SFXN4: variants seen among roughly 807,000 people sequenced by gnomAD.
SFXN4 encodes the protein sideroflexin-4.
SFXN4 carries 48 observed loss-of-function variants against 54.6 expected under a neutral mutation model. That is an observed-to-expected ratio of 0.88 (90% CI 0.70 to 1.12). The LOEUF is 1.12. Among genes scored for constraint, SFXN4 ranks in the 50% most tolerant of loss-of-function variants. SFXN4 has a pLI of 0.00. For missense variants in SFXN4, 383 were observed against 409.2 expected, an observed-to-expected ratio of 0.94 and a Z score of 0.55; for synonymous variants, 130 against 145.5, an observed-to-expected ratio of 0.89 and a Z score of 0.77.
At chr10:119,161,358 A>ATCC (rs1847522888) in intron 3 of SFXN4, among the ~76,000 whole-genome samples, 1 of 151,006 alleles carries the variant, frequency 6.6e-6, no homozygotes, top group Non-Finnish European at 1.5e-5. Flanking sequence ...GCATCAAGTC[A>ATCC]TCCTCCCAAA....
At chr10:119,146,386 G>A (rs1846797271) in intron 12 of SFXN4, 33 bp from the exon 13 acceptor site, 4 of 1,323,408 alleles carry the variant, frequency 3.0e-6, no homozygotes, top group Non-Finnish European at 4.4e-6. Context: ...CACAAGTGAT[G>A]TTAAACTATC....
intron 11 of SFXN4, among the ~76,000 whole-genome samples, chr10:119,152,612 A>G (rs1847117216): frequency 6.6e-6 from 1 of 152,126 alleles, no homozygotes; most frequent in South Asian, 2.1e-4. Flanking sequence ...TCTGTTACTT[A>G]TAATTATTTT....
chr10:119,148,885 CATTT>C (rs1440844707), intron 11 of SFXN4, among the ~76,000 whole-genome samples: 1 of 151,904 alleles, frequency 6.6e-6, no homozygotes, highest in Non-Finnish European at 1.5e-5. Context: ...TTACTACTTT[CATTT>C]ATTTATTTAT....
At chr10:119,151,992 A>T (rs1413017791) in intron 11 of SFXN4, among the ~76,000 whole-genome samples, 4 of 150,528 alleles carry the variant, frequency 2.7e-5, no homozygotes, top group South Asian at 2.1e-4. Flanking sequence ...TTTTTTAAAA[A>T]TTTTTTTGTA....
intron 11 of SFXN4, among the ~76,000 whole-genome samples, chr10:119,150,818 G>C (rs1432150362): frequency 1.3e-5 from 2 of 152,210 alleles, no homozygotes; most frequent in African/African-American, 2.4e-5. Flanking sequence ...ATAAAGATGT[G>C]CAAGTGAATG....
chr10:119,158,152 T>C lies in SFXN4; in HGVS notation c.361-90A>G, dbSNP rs762777395. ...AGAACTTTCCAGGGGAGAGGGAGAA[T>C]TGAGCCCCCAAGGAGCTGGGGCAGG... is the stretch of plus-strand genomic sequence containing the variant. On this transcript the variant is annotated intron_variant, in intron 6 of 13. Coordinates refer to ENST00000355697, the MANE Select transcript of SFXN4 (RefSeq NM_213649.2). 28 of 1,247,098 alleles carry C rather than the reference T, an allele frequency of 2.2e-5. No individual in the cohort carries two copies. The East Asian group carries it at 5.1e-4, about 23-fold the overall frequency. 77.3% of individuals were successfully genotyped at this position (1,247,098 alleles called of 1,614,324 possible). A position where few individuals can be genotyped will look rare whatever the true frequency, so the allele number is the denominator to read the frequency against.
intron 10 of SFXN4, among the ~76,000 whole-genome samples, chr10:119,156,423 C>T (rs924151432): frequency 1.3e-5 from 2 of 152,090 alleles, no homozygotes; most frequent in South Asian, 2.1e-4. Flanking sequence ...AGCAAGACTC[C>T]GTCTCAAGAA....
chr10:119,157,154 C>T (rs1168717286), intron 9 of SFXN4, among the ~76,000 whole-genome samples: 6 of 152,052 alleles, frequency 3.9e-5, no homozygotes, highest in Admixed American at 6.6e-5. Context: ...ACCAGCCAGG[C>T]GTGGTGGCTC....
In SFXN4 at chr10:119,164,202, G is replaced by A. The variant is rs747435932; in HGVS notation, c.112-6C>T. The A allele has an allele frequency of 1.9e-6, 3 of 1,568,310 alleles. No individual in the cohort carries two copies. Among genetic ancestry groups the A allele is most frequent in the East Asian group, 2.2e-5 (1 of 44,452 alleles). ...AGAAATCGTCGAATAAAGGACTTAGGAGGGAGAAAAGCAACAGAGAGGTTA... is the reference window on the plus strand; with the variant it reads ...AGAAATCGTCGAATAAAGGACTTAGAAGGGAGAAAAGCAACAGAGAGGTTA... On this transcript the variant is annotated splice_polypyrimidine_tract_variant and splice_region_variant and intron_variant, in intron 1 of 13. Coordinates refer to ENST00000355697, the MANE Select transcript of SFXN4 (RefSeq NM_213649.2).
chr10:119,156,719 G>A lies in SFXN4; in HGVS notation c.575C>T (p.Thr192Ile), dbSNP rs761163106. 6.2e-6 allele frequency: 10 copies of A among 1,611,612 alleles called. No homozygotes were observed. The Admixed American group carries it at 6.7e-5, about 11-fold the overall frequency. ...TAAGAGTCTTTTAATCCAAGGGCCA[G>A]TCAGGCCATACTTCATCTGGACAAA... ...PQFVQMKYGL[T>I]GPWIKRLLPV... The change falls in exon 10 of 14, where the codon ACT becomes ATT. Residue 192 changes from threonine (T) to isoleucine (I), a missense_variant. Thr to Ile is a moderately conservative substitution (Grantham distance 89). Coordinates refer to ENST00000355697, the MANE Select transcript of SFXN4 (RefSeq NM_213649.2).
At chr10:119,149,255 C>A (rs149586875) in intron 11 of SFXN4, among the ~76,000 whole-genome samples, 1 of 152,264 alleles carries the variant, frequency 6.6e-6, no homozygotes, top group Admixed American at 6.5e-5. Flanking sequence ...CCGTCCTTCC[C>A]TGAACTCTGT....
intron 13 of SFXN4, among the ~76,000 whole-genome samples, chr10:119,144,714 T>G (rs1338060128): frequency 6.6e-6 from 1 of 152,240 alleles, no homozygotes. Flanking sequence ...TGACTCATCA[T>G]AAATTATATT....
Position 119,158,046 on chromosome 10 carries a change from G to A in SFXN4, c.377C>T (p.Thr126Met), listed in dbSNP as rs368065380. ...CACGGACTTGATCCCTTTCAGTGGC[G>A]TCATTGACAAAAATACCTTTTAAGA... is the stretch of plus-strand genomic sequence containing the variant. ...FMAPTVFLSM[T>M]PLKGIKSVIL... is the part of the protein sequence containing the mutation. Residue 126 changes from threonine (T) to methionine (M), a missense_variant, in exon 7 of 14, where the codon ACG (threonine) becomes ATG (methionine). Physicochemically the swap from Thr to Met is moderately conservative, Grantham distance 81 (BLOSUM62 -1). Coordinates refer to ENST00000355697, the MANE Select transcript of SFXN4 (RefSeq NM_213649.2). 30 of 1,614,088 alleles carry A rather than the reference G, an allele frequency of 1.9e-5. No individual in the cohort carries two copies. Among genetic ancestry groups the A allele is most frequent in the East Asian group, 6.7e-5 (3 of 44,888 alleles).
chr10:119,157,021 G>C (rs1416081724), intron 9 of SFXN4, among the ~76,000 whole-genome samples: 1 of 152,200 alleles, frequency 6.6e-6, no homozygotes, highest in African/African-American at 2.4e-5. Context: ...GCCCAGGCTT[G>C]TCTGATGCCA....
intron 2 of SFXN4, among the ~76,000 whole-genome samples, chr10:119,163,230 CTTCTT>C (rs1453329295): frequency 7.5e-6 from 1 of 133,414 alleles, no homozygotes; most frequent in Non-Finnish European, 1.7e-5. Flanking sequence ...CATTTTCTTT[CTTCTT>C]TTTTTTTTTT....
Position 119,165,687 on chromosome 10 carries a change from G to A in SFXN4, c.-40C>T, listed in dbSNP as rs1427027993. On this transcript the variant is annotated 5_prime_UTR_variant, in exon 1 of 14. It adds an upstream start codon to the 5' untranslated region. Coordinates refer to ENST00000355697, the MANE Select transcript of SFXN4 (RefSeq NM_213649.2). Reference sequence around the variant, plus strand: ...AGTGGCCGCCGCCGCCAGGCCGCGCGTGGAGGAGGAGCCGGGCGGCGAGCC... The same window carrying A: ...AGTGGCCGCCGCCGCCAGGCCGCGCATGGAGGAGGAGCCGGGCGGCGAGCC... The A allele has an allele frequency of 6.1e-6, 9 of 1,476,592 alleles. No homozygotes were observed. Among genetic ancestry groups the A allele is most frequent in the Non-Finnish European group, 8.1e-6 (9 of 1,111,882 alleles). 91.5% of individuals were successfully genotyped at this position (1,476,592 alleles called of 1,614,324 possible). A position where few individuals can be genotyped will look rare whatever the true frequency, so the allele number is the denominator to read the frequency against.
At chr10:119,157,986 C>T (rs1179723797) in intron 7 of SFXN4, 23 bp downstream of exon 7, 8 of 1,614,122 alleles carry the variant, frequency 5.0e-6, no homozygotes, top group East Asian at 2.2e-5. Context: ...ATTTAGTAAT[C>T]GTGAAACAGG....
At chr10:119,163,378 C>A (rs1277032403) in intron 2 of SFXN4, among the ~76,000 whole-genome samples, 2 of 152,140 alleles carry the variant, frequency 1.3e-5, no homozygotes, top group African/African-American at 4.8e-5. Context: ...ACCTGTTAAA[C>A]AGATGTACGC....
chr10:119,158,315 G>T (rs981797263), intron 6 of SFXN4, among the ~76,000 whole-genome samples: 1 of 152,100 alleles, frequency 6.6e-6, no homozygotes, highest in Non-Finnish European at 1.5e-5. Flanking sequence ...GTCCAGCAGG[G>T]TAGCTAAGAT....
Sources: allele counts gnomAD v4.1 joint callset (sites outside exome capture counted in the v4.1 genomes callset), GRCh38; gene constraint gnomAD v4.1.1; transcripts MANE v1.5; gene names NCBI Gene and HGNC (gene_info 2026-07-23, HGNC 2026-07-21).